Variants in FOSB observed in about 807,000 individuals in gnomAD.
The protein encoded by FOSB is FosB proto-oncogene, AP-1 transcription factor subunit, also known as protein FosB.
In FOSB, 8 loss-of-function variants were observed where a neutral mutation model predicts 31.1. That is an observed-to-expected ratio of 0.26 (90% CI 0.15 to 0.46). FOSB has a LOEUF of 0.46. Among genes scored for constraint, FOSB ranks in the 20% least tolerant of loss-of-function variants. The probability of loss-of-function intolerance (pLI) is 0.99; values close to 1 mark genes in which losing one functional copy is unlikely to be tolerated. For synonymous variants in FOSB, 214 were observed against 206.1 expected (o/e 1.04, Z -0.33); for missense variants, 376 against 460.6 (o/e 0.82, Z 1.68).
intron 2 of FOSB, 42 bp downstream of exon 2, chr19:45,470,991 C>G (rs764395863): frequency 5.7e-6 from 9 of 1,588,726 alleles, no homozygotes; most frequent in Non-Finnish European, 7.7e-6. Context: ...TAGGGGGAAG[C>G]AAGAGAGGCA....
rs1967504702 is a variant in FOSB at position 45,468,710 on chromosome 19, C to T, written c.124C>T (p.Gln42Ter). The T allele has an allele frequency of 6.2e-7, 1 of 1,601,826 alleles. No homozygotes were observed. The highest frequency in any genetic ancestry group is 8.5e-7 in the Non-Finnish European group (1 of 1,176,634). The change falls in exon 1 of 4, where the codon CAG becomes TAG. Residue 42 changes from glutamine (Q) to a stop codon, truncating the protein, a stop_gained and splice_region_variant. Transcript: ENST00000353609. LOFTEE classifies it high-confidence loss of function. This position sits in a 1 kb window ranked among gnomAD's most constrained non-coding sequence, Gnocchi z 4.8. The part of the protein sequence containing the change: ...FGSPPTAAAS[Q>*]ECAGLGEMPG... ...CAGTCCACCCACCGCCGCCGCCTCCCAGGTAAGTTTTTGATAGTAGGGGTG... is the reference window on the plus strand; with the variant it reads ...CAGTCCACCCACCGCCGCCGCCTCCTAGGTAAGTTTTTGATAGTAGGGGTG...
At position 45,470,894 on chromosome 19, in the gene FOSB, G is replaced by T. The variant is rs370113314; in HGVS notation, c.392G>T (p.Gly131Val). The T allele has an allele frequency of 2.5e-6, 4 of 1,613,728 alleles. No individual in the cohort carries two copies. Among genetic ancestry groups the T allele is most frequent in the Non-Finnish European group, 3.4e-6 (4 of 1,180,018 alleles). Residue 131 changes from glycine (G) to valine (V), a missense_variant, in exon 2 of 4, where the codon GGG becomes GTG. By Grantham distance (109) the Gly-to-Val change is moderately radical (BLOSUM62 -3). Transcript: ENST00000353609. Reference protein sequence around the residue: ...GGPSTSGTTSGPGPARPARAR... With the variant: ...GGPSTSGTTSVPGPARPARAR... Reference sequence around the variant, plus strand: ...CCTTCCACCAGCGGAACTACCAGTGGGCCTGGGCCTGCCCGCCCAGCCCGA... The same window carrying T: ...CCTTCCACCAGCGGAACTACCAGTGTGCCTGGGCCTGCCCGCCCAGCCCGA...
rs1251945070 is a variant in FOSB at position 45,474,118 on chromosome 19, A to AG, written c.*1107dup. 1 of 151,760 alleles carries AG rather than the reference A, an allele frequency of 6.6e-6. No homozygotes were observed. Among genetic ancestry groups the AG allele is most frequent in the African/African-American group, 2.4e-5 (1 of 41,168 alleles). 9.4% of individuals were successfully genotyped at this position (151,760 alleles called of 1,614,324 possible). ...CTCTCTCTCTCTCCTCAGGACCCTC[A>AG]GCCCTGGCCTTTTTCTTTAAGGTCC... On this transcript the variant is annotated 3_prime_UTR_variant, in exon 4 of 4. Coordinates refer to ENST00000353609, the MANE Select transcript of FOSB (RefSeq NM_006732.3).
At position 45,473,405 on chromosome 19, in the gene FOSB, T is replaced by C. The variant is rs1441112268; in HGVS notation, c.*393T>C. The C allele has an allele frequency of 8.5e-6, 1 of 117,660 alleles. No homozygotes were observed. The highest frequency in any genetic ancestry group is 1.7e-5 in the Non-Finnish European group (1 of 58,170). The allele number at this position is 117,660 out of a possible 1,614,324, so 7.3% of individuals were successfully genotyped here. ...AGGGACGGGGGTGGGAGGTAGGCTG[T>C]GGGGTGGGCTGGAGTCCTCTCCAGA... is the stretch of plus-strand genomic sequence containing the variant. On this transcript the variant is annotated 3_prime_UTR_variant, in exon 4 of 4. Coordinates refer to ENST00000353609, the MANE Select transcript of FOSB (RefSeq NM_006732.3).
chr19:45,468,807 C>A lies in FOSB; in HGVS notation c.126+95C>A. Reference sequence around the variant, plus strand: ...CCCCAACCCCCACAAAAAGGCGCATCAGAACCCTAGATCTGAGATGGAAAA... The same window carrying A: ...CCCCAACCCCCACAAAAAGGCGCATAAGAACCCTAGATCTGAGATGGAAAA... On this transcript the variant is annotated intron_variant, in intron 1 of 3. Coordinates refer to ENST00000353609, the MANE Select transcript of FOSB (RefSeq NM_006732.3). The surrounding 1 kb of genome is among the most constrained non-coding windows in gnomAD (Gnocchi z 4.8). 2 of 1,322,686 alleles carry A rather than the reference C, an allele frequency of 1.5e-6. 1 individual carries two copies. The highest frequency in any genetic ancestry group is 3.0e-5 in the South Asian group (2 of 65,962). The allele number at this position is 1,322,686 out of a possible 1,614,324, so 81.9% of individuals were successfully genotyped here. A position where few individuals can be genotyped will look rare whatever the true frequency, so the allele number is the denominator to read the frequency against.
chr19:45,470,563 G>C, intron 1 of FOSB, 66 bp from the exon 2 acceptor site: 2 of 1,444,486 alleles, frequency 1.4e-6, no homozygotes, highest in Non-Finnish European at 1.9e-6. Context: ...TATGTGTGTT[G>C]GGTGTGTGTG....
chr19:45,470,549 GTGT>G, intron 1 of FOSB, 77 bp from the exon 2 acceptor site: 3 of 1,387,866 alleles, frequency 2.2e-6, no homozygotes, highest in Non-Finnish European at 3.0e-6. Context: ...GGGTCGGTGT[GTGT>G]TATGTGTGTT....
rs1239765438 is a variant in FOSB, at chr19:45,468,444, C to G, written c.-143C>G. The G allele has an allele frequency of 2.3e-6, 2 of 851,308 alleles. No homozygotes were observed. The highest frequency in any genetic ancestry group is 3.7e-6 in the Non-Finnish European group (2 of 542,188). The allele number at this position is 851,308 out of a possible 1,614,324, so 52.7% of individuals were successfully genotyped here. ...TGCTCCTTCCCCGAGCTTCCCCGGA[C>G]AGCGTACTTTGAGGACTCGCTCAGC... On this transcript the variant is annotated 5_prime_UTR_variant, in exon 1 of 4. Transcript: ENST00000353609. The surrounding 1 kb of genome is among the most constrained non-coding windows in gnomAD (Gnocchi z 4.8).
chr19:45,473,174 G>T lies in FOSB; in HGVS notation c.*162G>T. The T allele has an allele frequency of 4.7e-6, 3 of 644,238 alleles. No individual in the cohort carries two copies. The highest frequency in any genetic ancestry group is 8.0e-6 in the Non-Finnish European group (3 of 373,700). 39.9% of individuals were successfully genotyped at this position (644,238 alleles called of 1,614,324 possible). On this transcript the variant is annotated 3_prime_UTR_variant, in exon 4 of 4. Transcript: ENST00000353609. ...TGCGGCCACTGCGCCACTGCCATCG[G>T]ACAGGAGGATTCCTTGTGTTTTGTC...
In FOSB at chr19:45,472,423, T is replaced by A. The variant is rs898357000; in HGVS notation, c.556-128T>A. On this transcript the variant is annotated intron_variant, in intron 3 of 3. Transcript: ENST00000353609. This position sits in a 1 kb window ranked among gnomAD's most constrained non-coding sequence, Gnocchi z 5.4. ...CACCAGGACTCCATCTCAGGAGGTG[T>A]TTTTTCTCAGCCCGGGGCTGCCTTC... 9 of 703,394 alleles carry A rather than the reference T, an allele frequency of 1.3e-5. No homozygotes were observed. The highest frequency in any genetic ancestry group is 9.1e-5 in the African/African-American group (5 of 54,818). The allele number at this position is 703,394 out of a possible 1,614,324, so 43.6% of individuals were successfully genotyped here. A position where few individuals can be genotyped will look rare whatever the true frequency, so the allele number is the denominator to read the frequency against.
chr19:45,471,342 G>A (rs1464623840), intron 3 of FOSB, 41 bp downstream of exon 3: 1 of 1,376,904 alleles, frequency 7.3e-7, no homozygotes, highest in Non-Finnish European at 1.0e-6. Flanking sequence ...ATGTTGAGGG[G>A]AGCTCTCTCC....
At position 45,473,197 on chromosome 19, in the gene FOSB, G is replaced by C; in HGVS notation, c.*185G>C. 1.6e-6 allele frequency: 1 copy of C among 610,376 alleles called. No individual in the cohort carries two copies. Among genetic ancestry groups the C allele is most frequent in the Non-Finnish European group, 2.8e-6 (1 of 351,598 alleles). The allele number at this position is 610,376 out of a possible 1,614,324, so 37.8% of individuals were successfully genotyped here. ...CGGACAGGAGGATTCCTTGTGTTTT[G>C]TCCTGCCTCTTGTTTCTGTGCCCCG... On this transcript the variant is annotated 3_prime_UTR_variant, in exon 4 of 4. Coordinates refer to ENST00000353609, the MANE Select transcript of FOSB (RefSeq NM_006732.3).
At chr19:45,469,629 G>T (rs1967561769) in intron 1 of FOSB, among the ~76,000 whole-genome samples, 1 of 152,136 alleles carries the variant, frequency 6.6e-6, no homozygotes, top group Non-Finnish European at 1.5e-5. Context: ...GGAGAAGGGG[G>T]TGTCTGCTTG....
Position 45,474,556 on chromosome 19 carries a change from C to T in FOSB, c.*1544C>T, listed in dbSNP as rs529680505. Reference sequence around the variant, plus strand: ...CATTCCTTAGCTATTTATCCCTTTCCTGGTTTCCGAAAGGCAATTATATCT... The same window carrying T: ...CATTCCTTAGCTATTTATCCCTTTCTTGGTTTCCGAAAGGCAATTATATCT... On this transcript the variant is annotated 3_prime_UTR_variant, in exon 4 of 4. Coordinates refer to ENST00000353609, the MANE Select transcript of FOSB (RefSeq NM_006732.3). 1 of 152,648 alleles carries T rather than the reference C, an allele frequency of 6.6e-6. No homozygotes were observed. The highest frequency in any genetic ancestry group is 6.6e-5 in the Admixed American group (1 of 15,262). 9.5% of individuals were successfully genotyped at this position (152,648 alleles called of 1,614,324 possible). A position where few individuals can be genotyped will look rare whatever the true frequency, so the allele number is the denominator to read the frequency against.
rs1175847431 is a variant in FOSB, at chr19:45,474,620, G to A, written c.*1608G>A. 1 of 152,398 alleles carries A rather than the reference G, an allele frequency of 6.6e-6. No homozygotes were observed. The highest frequency in any genetic ancestry group is 1.9e-4 in the East Asian group (1 of 5,202). 9.4% of individuals were successfully genotyped at this position (152,398 alleles called of 1,614,324 possible). A position where few individuals can be genotyped will look rare whatever the true frequency, so the allele number is the denominator to read the frequency against. ...AAATATATTATATATGGATGTGTGT[G>A]TGTGCGTGCGCGTGAGTGTGTGAGC... On this transcript the variant is annotated 3_prime_UTR_variant, in exon 4 of 4. Coordinates refer to ENST00000353609, the MANE Select transcript of FOSB (RefSeq NM_006732.3).
chr19:45,471,206 G>T lies in FOSB; in HGVS notation c.460G>T (p.Glu154Ter). 1 of 1,563,386 alleles carries T rather than the reference G, an allele frequency of 6.4e-7. No homozygotes were observed. Among genetic ancestry groups the T allele is most frequent in the Non-Finnish European group, 8.7e-7 (1 of 1,153,376 alleles). The stretch of plus-strand genomic sequence containing the variant: ...CTCCCTGACTCAGCTCACCCCAGAG[G>T]AAGAGGAGAAGCGAAGGGTGCGCCG... ...RPREETLTPE[E>*]EEKRRVRRER... The change falls in exon 3 of 4, where the codon GAA (glutamate) becomes TAA (stop). Residue 154 changes from glutamate to a stop codon, truncating the protein, a stop_gained. Transcript: ENST00000353609. LOFTEE classifies it high-confidence loss of function.
rs1473600389 is a variant in FOSB, at chr19:45,470,292, G to A, written c.127-337G>A. ...GTGTGGCTGTGGCTCCGTCCCGGGG[G>A]TTCTGTCACCCGGCTGTGTCCAGCC... On this transcript the variant is annotated intron_variant, in intron 1 of 3. Coordinates refer to ENST00000353609, the MANE Select transcript of FOSB (RefSeq NM_006732.3). 1.5e-5 allele frequency: 5 copies of A among 323,866 alleles called. No homozygotes were observed. In the East Asian group the frequency reaches 2.3e-4, roughly 15 times the overall value. 20.1% of individuals were successfully genotyped at this position (323,866 alleles called of 1,614,324 possible).
rs708905 is a variant in FOSB, at chr19:45,474,214, G to C, written c.*1202G>C. On this transcript the variant is annotated 3_prime_UTR_variant, in exon 4 of 4. Coordinates refer to ENST00000353609, the MANE Select transcript of FOSB (RefSeq NM_006732.3). ...GCCCCTCACATCCTCTCCAGGAAGGGAGTGAGGGGCTGTGACATTTTTCCG... is the reference window on the plus strand; with the variant it reads ...GCCCCTCACATCCTCTCCAGGAAGGCAGTGAGGGGCTGTGACATTTTTCCG... The C allele has an allele frequency of 0.14, 22,011 of 151,988 alleles. 1,832 individuals are homozygous for C. The highest frequency in any genetic ancestry group is 0.23 in the African/African-American group (9,440 of 41,392). 9.4% of individuals were successfully genotyped at this position (151,988 alleles called of 1,614,324 possible).
In FOSB at chr19:45,472,483, T is replaced by G. The variant is rs1967712732; in HGVS notation, c.556-68T>G. The G allele has an allele frequency of 1.5e-6, 2 of 1,319,302 alleles. No homozygotes were observed. Among genetic ancestry groups the G allele is most frequent in the Non-Finnish European group, 2.0e-6 (2 of 987,684 alleles). The allele number at this position is 1,319,302 out of a possible 1,614,324, so 81.7% of individuals were successfully genotyped here. ...GTCCAAGGGAGCCATGACCCGAGTT[T>G]CCCGGTCACTGACATGCTTTTTTCT... On this transcript the variant is annotated intron_variant, in intron 3 of 3. Coordinates refer to ENST00000353609, the MANE Select transcript of FOSB (RefSeq NM_006732.3). The surrounding 1 kb of genome is among the most constrained non-coding windows in gnomAD (Gnocchi z 5.4).
Sources: allele counts gnomAD v4.1 joint callset (sites outside exome capture counted in the v4.1 genomes callset), GRCh38; gene constraint gnomAD v4.1.1; non-coding constraint Gnocchi (gnomAD v3.1); transcripts MANE v1.5; gene names NCBI Gene and HGNC (gene_info 2026-07-23, HGNC 2026-07-21).